ATP8A2: variants seen among roughly 807,000 people sequenced by gnomAD.
ATP8A2 encodes ATPase phospholipid transporting 8A2.
Under a neutral mutation model 165.6 loss-of-function variants are expected in ATP8A2, and 100 were observed. The observed-to-expected ratio is 0.60, with a 90% CI of 0.51 to 0.71. The LOEUF is 0.71. Among genes scored for constraint, ATP8A2 ranks in the 30% least tolerant of loss-of-function variants. The probability of loss-of-function intolerance (pLI) is 0.00; values close to 1 mark genes in which losing one functional copy is unlikely to be tolerated. For missense variants in ATP8A2, 1,227 were observed against 1,479.5 expected, an observed-to-expected ratio of 0.83 and a Z score of 2.80; for synonymous variants, 543 against 548.8, an observed-to-expected ratio of 0.99 and a Z score of 0.15.
chr13:25,397,175 C>A (rs2033455903), intron 1 of ATP8A2, among the ~76,000 whole-genome samples: 1 of 152,204 alleles, frequency 6.6e-6, no homozygotes, highest in Non-Finnish European at 1.5e-5. Context: ...AGCACATTCT[C>A]CAGTTGTCCT....
At chr13:25,829,580 T>A (rs896027976) in intron 28 of ATP8A2, among the ~76,000 whole-genome samples, 2 of 148,964 alleles carry the variant, frequency 1.3e-5, no homozygotes, top group African/African-American at 4.9e-5. Context: ...GAGCTGACAC[T>A]TCACACAAAC....
chr13:25,517,179 C>A (rs1444688423), intron 2 of ATP8A2: 1 of 150,810 alleles, frequency 6.6e-6, no homozygotes, highest in Non-Finnish European at 1.5e-5. Context: ...TTAGGATGAT[C>A]CCTGCGCAAG....
At position 25,665,322 on chromosome 13, in the gene ATP8A2, G is replaced by A. The variant is rs117456774; in HGVS notation, c.2212-33851G>A. 2.4e-4 allele frequency among the ~76,000 whole-genome samples: 37 copies of A among 152,284 alleles called. No homozygotes were observed. In the East Asian group the frequency reaches 6.6e-3, roughly 27 times the overall value. ...AATACATAGGTCAAAGGTGGGCATG[G>A]TGGCACACACCTGTAGTCCCAGCTA... On this transcript the variant is annotated intron_variant, in intron 24 of 36. Coordinates refer to ENST00000381655, the MANE Select transcript of ATP8A2 (RefSeq NM_016529.6).
chr13:25,820,551 A>G (rs1566172203), intron 27 of ATP8A2, among the ~76,000 whole-genome samples: 1 of 152,188 alleles, frequency 6.6e-6, no homozygotes, highest in Non-Finnish European at 1.5e-5. Context: ...TGGGGGACGG[A>G]CAGTCTGTTT....
intron 1 of ATP8A2, among the ~76,000 whole-genome samples, chr13:25,467,137 A>G (rs2035690113): frequency 6.6e-6 from 1 of 152,020 alleles, no homozygotes; most frequent in Non-Finnish European, 1.5e-5. Flanking sequence ...AGCCAGAAAG[A>G]CCCCAGAGAG....
At chr13:25,555,556 A>C (rs2038957132) in intron 13 of ATP8A2, among the ~76,000 whole-genome samples, 1 of 152,166 alleles carries the variant, frequency 6.6e-6, no homozygotes, top group Admixed American at 6.5e-5. Flanking sequence ...TGGGCTTTGC[A>C]TTATGTCTGT....
intron 25 of ATP8A2, among the ~76,000 whole-genome samples, chr13:25,730,164 G>A (rs982469200): frequency 3.3e-5 from 5 of 152,098 alleles, no homozygotes; most frequent in Non-Finnish European, 7.3e-5. Context: ...GGTGCCGTGT[G>A]CCTGTGGTTC....
chr13:25,796,538 T>G (rs1029187471), intron 27 of ATP8A2, among the ~76,000 whole-genome samples: 3 of 152,146 alleles, frequency 2.0e-5, no homozygotes, highest in Admixed American at 2.0e-4. Context: ...ATGCTGAAAT[T>G]AGATGGGGAC....
chr13:25,540,042 C>T (rs1413019209), intron 7 of ATP8A2, among the ~76,000 whole-genome samples: 1 of 152,192 alleles, frequency 6.6e-6, no homozygotes, highest in African/African-American at 2.4e-5. Context: ...CTTTCTCTTT[C>T]ATCTTCAGTT....
At chr13:25,494,795 T>A (rs2036625421) in intron 2 of ATP8A2, among the ~76,000 whole-genome samples, 1 of 152,124 alleles carries the variant, frequency 6.6e-6, no homozygotes, top group Non-Finnish European at 1.5e-5. Flanking sequence ...TCCTTCTAGC[T>A]GTGAGCGAAT....
intron 33 of ATP8A2, among the ~76,000 whole-genome samples, chr13:25,945,222 GTGTA>G (rs1435608940): frequency 6.6e-6 from 1 of 152,192 alleles, no homozygotes; most frequent in Non-Finnish European, 1.5e-5. Context: ...CCCCAGCAGT[GTGTA>G]TGTATGTGTG....
At chr13:25,504,612 C>T (rs1217303284) in intron 2 of ATP8A2, among the ~76,000 whole-genome samples, 79 of 148,452 alleles carry the variant, frequency 5.3e-4, no homozygotes, top group African/African-American at 1.8e-3. Context: ...TGGTGGCGGG[C>T]GCCTGTAGTC....
At chr13:25,767,668 A>T (rs1221631922) in intron 25 of ATP8A2, among the ~76,000 whole-genome samples, 3 of 152,248 alleles carry the variant, frequency 2.0e-5, no homozygotes, top group Non-Finnish European at 2.9e-5. Flanking sequence ...TGCAGGAGGC[A>T]TCGAATTGCT....
chr13:25,994,515 T>C (rs1956457689), intron 35 of ATP8A2, among the ~76,000 whole-genome samples: 1 of 152,162 alleles, frequency 6.6e-6, no homozygotes, highest in African/African-American at 2.4e-5. Flanking sequence ...GCAGGTGTTT[T>C]TGTAGATGCT....
At chr13:25,891,366 A>G (rs1953354623) in intron 33 of ATP8A2, among the ~76,000 whole-genome samples, 1 of 152,186 alleles carries the variant, frequency 6.6e-6, no homozygotes, top group Non-Finnish European at 1.5e-5. Flanking sequence ...TCTGTCGCCC[A>G]GGCTGGAGTG....
chr13:25,828,270 G>A, intron 28 of ATP8A2, 78 bp downstream of exon 28: 1 of 1,184,920 alleles, frequency 8.4e-7, no homozygotes, highest in Non-Finnish European at 1.3e-6. Flanking sequence ...TTATGTCTGG[G>A]AAGTGTATCT....
At chr13:25,816,610 T>G (rs1035534760) in intron 27 of ATP8A2, among the ~76,000 whole-genome samples, 31 of 152,220 alleles carry the variant, frequency 2.0e-4, no homozygotes, top group Non-Finnish European at 4.0e-4. Context: ...ACAGAGTGAA[T>G]TGTTGGACAG....
At chr13:25,895,620 CCTTG>C (rs1953515113) in intron 33 of ATP8A2, among the ~76,000 whole-genome samples, 1 of 152,168 alleles carries the variant, frequency 6.6e-6, no homozygotes, top group South Asian at 2.1e-4. Context: ...ACCAGCTCCT[CCTTG>C]TACCTCTGGT....
At chr13:25,951,560 A>G (rs1297151571) in intron 33 of ATP8A2, among the ~76,000 whole-genome samples, 1 of 152,212 alleles carries the variant, frequency 6.6e-6, no homozygotes, top group Non-Finnish European at 1.5e-5. Flanking sequence ...TTTGGGTGGT[A>G]GGTAGACAGG....
Sources: gnomAD v4.1 joint callset for allele counts (sites outside exome capture counted in the v4.1 genomes callset) on GRCh38, gnomAD v4.1.1 for gene constraint, MANE v1.5 for transcripts, NCBI Gene and HGNC (gene_info 2026-07-23, HGNC 2026-07-21) for gene names.